BRD10: variants seen among roughly 807,000 people sequenced by gnomAD.
BRD10 encodes the protein uncharacterized bromodomain-containing protein 10.
At chr9:6,008,077 A>T in the BRD10 span, 31 of 976,648 alleles carry the variant, frequency 3.2e-5, 1 homozygote, top group East Asian at 3.5e-3. Flanking sequence ...CGCCGGCCTC[A>T]CCCCTCCGCA....
the BRD10 span, among the ~76,000 whole-genome samples, chr9:5,956,768 C>A: frequency 6.6e-6 from 1 of 152,154 alleles, no homozygotes; most frequent in South Asian, 2.1e-4. Context: ...GTACACAAAT[C>A]AATGAATGTA....
the BRD10 span, chr9:5,968,048 T>C: frequency 1.4e-4 from 208 of 1,529,494 alleles, 1 homozygote; most frequent in Non-Finnish European, 1.7e-4. Flanking sequence ...TTTTGCTTTT[T>C]TTTTGATGAT....
chr9:5,906,408 T>C, the BRD10 span, among the ~76,000 whole-genome samples: 1 of 152,178 alleles, frequency 6.6e-6, no homozygotes, highest in Non-Finnish European at 1.5e-5. Context: ...TGGATGTTCT[T>C]CCTTTATGTA....
the BRD10 span, chr9:5,954,016 C>T: frequency 6.5e-7 from 1 of 1,543,680 alleles, no homozygotes. Context: ...AAACATTTAC[C>T]TGAAACTCTG....
chr9:5,884,467 G>T, the BRD10 span, among the ~76,000 whole-genome samples: 1 of 152,214 alleles, frequency 6.6e-6, no homozygotes, highest in East Asian at 1.9e-4. Flanking sequence ...CACCAGACCG[G>T]TCTGGGGCCC....
the BRD10 span, among the ~76,000 whole-genome samples, chr9:5,995,309 C>T: frequency 3.3e-5 from 5 of 152,242 alleles, no homozygotes; most frequent in Admixed American, 2.0e-4. Flanking sequence ...CCATTAACTT[C>T]CTGCTTCTCA....
At chr9:5,939,793 T>G in the BRD10 span, among the ~76,000 whole-genome samples, 64 of 152,362 alleles carry the variant, frequency 4.2e-4, no homozygotes, top group African/African-American at 1.4e-3. Flanking sequence ...GTCTGTGCAC[T>G]GTAGGATCAT....
chr9:5,924,199 T>C, the BRD10 span, among the ~76,000 whole-genome samples: 1 of 152,244 alleles, frequency 6.6e-6, no homozygotes, highest in East Asian at 1.9e-4. Flanking sequence ...CAAGGGTGTG[T>C]GGTTTGTAAT....
At chr9:5,924,286 A>C in the BRD10 span, among the ~76,000 whole-genome samples, 1 of 151,830 alleles carries the variant, frequency 6.6e-6, no homozygotes, top group South Asian at 2.1e-4. Context: ...GACTCCAAGA[A>C]ACTTTTTTTT....
the BRD10 span, among the ~76,000 whole-genome samples, chr9:5,913,402 C>T: frequency 6.6e-6 from 1 of 152,062 alleles, no homozygotes; most frequent in Non-Finnish European, 1.5e-5. Context: ...CTCAAGTAAC[C>T]GGCGCCAAAA....
chr9:5,939,118 G>C, the BRD10 span, among the ~76,000 whole-genome samples: 1 of 151,996 alleles, frequency 6.6e-6, no homozygotes, highest in African/African-American at 2.4e-5. Context: ...ATTTTTTACA[G>C]GTGTTAGAAA....
the BRD10 span, among the ~76,000 whole-genome samples, chr9:5,893,518 T>C: frequency 0.077 from 11,747 of 152,154 alleles, 640 homozygotes; most frequent in South Asian, 0.14. Flanking sequence ...GACCCTGGTA[T>C]AGGATCCTCT....
chr9:5,954,304 TTTA>T, the BRD10 span, among the ~76,000 whole-genome samples: 3 of 152,334 alleles, frequency 2.0e-5, no homozygotes, highest in East Asian at 5.8e-4. Context: ...CAAATGCTGT[TTTA>T]TGTTTATATG....
chr9:5,967,703 A>AC, the BRD10 span, among the ~76,000 whole-genome samples: 1 of 151,052 alleles, frequency 6.6e-6, no homozygotes, highest in East Asian at 1.9e-4. Context: ...TGAAAAAAAA[A>AC]AAAAAAAACA....
chr9:5,897,972 C>T, the BRD10 span: 3 of 273,478 alleles, frequency 1.1e-5, no homozygotes, highest in East Asian at 1.4e-4. Context: ...AGGGGCCACA[C>T]CTGGTGAGGA....
the BRD10 span, among the ~76,000 whole-genome samples, chr9:5,905,405 A>G: frequency 6.6e-6 from 1 of 152,232 alleles, no homozygotes; most frequent in Non-Finnish European, 1.5e-5. Context: ...TTTAAAATAG[A>G]GATTACAGGA....
At chr9:5,958,882 G>C in the BRD10 span, among the ~76,000 whole-genome samples, 1 of 152,120 alleles carries the variant, frequency 6.6e-6, no homozygotes, top group Non-Finnish European at 1.5e-5. Context: ...GCCTAAACTT[G>C]TCTTTTATTT....
the BRD10 span, among the ~76,000 whole-genome samples, chr9:5,967,060 T>C: frequency 7.2e-5 from 11 of 152,232 alleles, no homozygotes; most frequent in Non-Finnish European, 1.3e-4. Flanking sequence ...GCTAAAAGAT[T>C]CATTCCCTTA....
At chr9:5,938,380 T>C in the BRD10 span, among the ~76,000 whole-genome samples, 1 of 152,278 alleles carries the variant, frequency 6.6e-6, no homozygotes, top group East Asian at 1.9e-4. Flanking sequence ...AGGTCAAGGC[T>C]GCAGTGAGCT....
Sources: gnomAD v4.1 joint callset for allele counts (sites outside exome capture counted in the v4.1 genomes callset) on GRCh38, gnomAD v4.1.1 for gene constraint, MANE v1.5 for transcripts, NCBI Gene and HGNC (gene_info 2026-07-23, HGNC 2026-07-21) for gene names.